MACROD2: variants seen among roughly 807,000 people sequenced by gnomAD.
MACROD2 encodes ADP-ribose glycohydrolase MACROD2.
MACROD2 carries 36 observed loss-of-function variants against 70.4 expected under a neutral mutation model. The observed-to-expected ratio is 0.51, with a 90% CI of 0.39 to 0.68. The LOEUF is 0.68. MACROD2 is among the 30% of genes least tolerant of loss of function. The probability of loss-of-function intolerance (pLI) is 0.00; values close to 1 mark genes in which losing one functional copy is unlikely to be tolerated. For missense variants in MACROD2, 496 were observed against 538.4 expected, an observed-to-expected ratio of 0.92 and a Z score of 0.78; for synonymous variants, 172 against 178.8, an observed-to-expected ratio of 0.96 and a Z score of 0.30.
intron 3 of MACROD2, among the ~76,000 whole-genome samples, chr20:14,274,917 A>G (rs2082235880): frequency 6.6e-6 from 1 of 151,936 alleles, no homozygotes; most frequent in Non-Finnish European, 1.5e-5. Context: ...AGAGTATAAA[A>G]TACCTAGGAA....
intron 4 of MACROD2, among the ~76,000 whole-genome samples, chr20:14,642,464 C>A (rs1985149362): frequency 6.6e-6 from 1 of 152,154 alleles, no homozygotes; most frequent in African/African-American, 2.4e-5. Context: ...AGAGGCCTAG[C>A]TTTTGGCCTC....
chr20:15,279,621 A>AATACTTCT (rs1283130499), intron 6 of MACROD2, among the ~76,000 whole-genome samples: 5 of 152,212 alleles, frequency 3.3e-5, no homozygotes, highest in African/African-American at 4.8e-5. Flanking sequence ...CAATCATGAT[A>AATACTTCT]ATACTTCTAC....
At position 14,415,633 on chromosome 20, in the gene MACROD2, A is replaced by G. The variant is rs1392178319; in HGVS notation, c.272-77846A>G. On this transcript the variant is annotated intron_variant, in intron 3 of 17. Coordinates refer to ENST00000684519, the MANE Select transcript of MACROD2 (RefSeq NM_001351661.2). Reference sequence around the variant, plus strand: ...AGTGGAGATTTACATTCAGGGGGAAACAGTGTCTGTTGAACTGTGTTAACA... The same window carrying G: ...AGTGGAGATTTACATTCAGGGGGAAGCAGTGTCTGTTGAACTGTGTTAACA... Among the ~76,000 whole-genome samples the G allele has an allele frequency of 2.0e-5, 3 of 152,204 alleles. 1 individual carries two copies. Among genetic ancestry groups the G allele is most frequent in the African/African-American group, 7.2e-5 (3 of 41,444 alleles).
At chr20:14,388,119 C>T (rs1315872891) in intron 3 of MACROD2, among the ~76,000 whole-genome samples, 1 of 151,602 alleles carries the variant, frequency 6.6e-6, no homozygotes, top group Non-Finnish European at 1.5e-5. Flanking sequence ...ATGCCATTCT[C>T]ATGCCTCAGC....
At chr20:15,042,538 G>A (rs566268620) in intron 5 of MACROD2, among the ~76,000 whole-genome samples, 31 of 152,264 alleles carry the variant, frequency 2.0e-4, no homozygotes, top group Middle Eastern at 3.4e-3. Flanking sequence ...GAAGAAACAT[G>A]GAAGAAACAT....
At chr20:14,392,368 C>T (rs1014299550) in intron 3 of MACROD2, among the ~76,000 whole-genome samples, 15 of 152,128 alleles carry the variant, frequency 9.9e-5, no homozygotes, top group Middle Eastern at 3.4e-3. Flanking sequence ...TAAATATATG[C>T]AGTTAGACTT....
rs2145982089 is a variant in MACROD2, at chr20:15,230,002, C to T, written c.481C>T (p.Leu161Phe). The change falls in exon 6 of 18, where the codon CTT (leucine) becomes TTT (phenylalanine). Residue 161 changes from leucine (L) to phenylalanine (F), a missense_variant. Transcript: ENST00000684519. ...GHINGSHKEDLANCYKSSLKL... is the reference protein window; with the variant it reads ...GHINGSHKEDFANCYKSSLKL... ...TATTAATGGTTCCCACAAGGAAGACCTTGCAAATTGCTATAAATCATCTCT... is the reference window on the plus strand; with the variant it reads ...TATTAATGGTTCCCACAAGGAAGACTTTGCAAATTGCTATAAATCATCTCT... The T allele has an allele frequency of 6.2e-7, 1 of 1,613,672 alleles. No individual in the cohort carries two copies. The highest frequency in any genetic ancestry group is 1.1e-5 in the South Asian group (1 of 91,052).
intron 15 of MACROD2, among the ~76,000 whole-genome samples, chr20:16,005,461 A>G (rs1382609655): frequency 1.3e-5 from 2 of 152,232 alleles, no homozygotes; most frequent in Non-Finnish European, 2.9e-5. Context: ...TGGATTGCCA[A>G]GTATAACAGA....
intron 3 of MACROD2, among the ~76,000 whole-genome samples, chr20:14,275,258 G>T (rs1235778828): frequency 6.6e-6 from 1 of 152,170 alleles, no homozygotes; most frequent in Non-Finnish European, 1.5e-5. Context: ...AACCCAAACG[G>T]CATGGTACTG....
chr20:14,114,897 G>A (rs918334121), intron 3 of MACROD2, among the ~76,000 whole-genome samples: 1 of 152,080 alleles, frequency 6.6e-6, no homozygotes, highest in African/African-American at 2.4e-5. Context: ...ATCTAGAGGG[G>A]CTCAGTGTTG....
chr20:15,085,873 A>ACAC (rs35503821), intron 5 of MACROD2, among the ~76,000 whole-genome samples: 21 of 144,386 alleles, frequency 1.5e-4, no homozygotes, highest in Admixed American at 2.8e-4. Context: ...ACACACACAC[A>ACAC]ACACACACAC....
chr20:15,628,823 G>A (rs987581142), intron 8 of MACROD2, among the ~76,000 whole-genome samples: 3 of 152,230 alleles, frequency 2.0e-5, no homozygotes, highest in African/African-American at 7.2e-5. Flanking sequence ...GTCTCAGGCA[G>A]TCAGTGGATT....
chr20:14,662,434 A>G (rs1986272424), intron 4 of MACROD2, among the ~76,000 whole-genome samples: 2 of 151,608 alleles, frequency 1.3e-5, no homozygotes, highest in South Asian at 2.1e-4. Context: ...ACAGGAAAAT[A>G]TTTTATGACG....
At chr20:14,872,475 G>A (rs540217846) in intron 5 of MACROD2, among the ~76,000 whole-genome samples, 2 of 152,066 alleles carry the variant, frequency 1.3e-5, no homozygotes, top group African/African-American at 4.8e-5. Flanking sequence ...AGGGATCCAG[G>A]TTGCCCTTCT....
At chr20:14,137,232 ATG>A (rs1358116393) in intron 3 of MACROD2, among the ~76,000 whole-genome samples, 1 of 103,836 alleles carries the variant, frequency 9.6e-6, no homozygotes, top group African/African-American at 3.1e-5. Context: ...TGATTAACAC[ATG>A]TTTTGTAGGT....
chr20:15,300,248 T>C (rs1390710645), intron 6 of MACROD2, among the ~76,000 whole-genome samples: 2 of 152,204 alleles, frequency 1.3e-5, no homozygotes, highest in Non-Finnish European at 2.9e-5. Flanking sequence ...TTGTAATTCA[T>C]ATTTAGGCCT....
intron 3 of MACROD2, among the ~76,000 whole-genome samples, chr20:14,179,285 T>C (rs2081288498): frequency 1.3e-5 from 2 of 152,216 alleles, no homozygotes; most frequent in African/African-American, 2.4e-5. Context: ...TGTAAGAAGA[T>C]ATGTTACTAT....
At chr20:14,889,419 A>G (rs1280948697) in intron 5 of MACROD2, among the ~76,000 whole-genome samples, 1 of 152,106 alleles carries the variant, frequency 6.6e-6, no homozygotes, top group Non-Finnish European at 1.5e-5. Context: ...GTAAATGGAG[A>G]AAAAAAGGAG....
At chr20:15,590,686 C>A (rs1317731335) in intron 8 of MACROD2, among the ~76,000 whole-genome samples, 1 of 151,986 alleles carries the variant, frequency 6.6e-6, no homozygotes, top group Non-Finnish European at 1.5e-5. Context: ...AGTTTGAGAC[C>A]AGCCTGGCCA....
Sources: gnomAD v4.1 joint callset for allele counts (sites outside exome capture counted in the v4.1 genomes callset) on GRCh38, gnomAD v4.1.1 for gene constraint, MANE v1.5 for transcripts, NCBI Gene and HGNC (gene_info 2026-07-23, HGNC 2026-07-21) for gene names.